Variants in SH3RF3 observed in about 807,000 individuals in gnomAD.
SH3RF3 encodes the protein SH3 domain containing ring finger 3.
SH3RF3 carries 29 observed loss-of-function variants against 66.3 expected under a neutral mutation model. The observed-to-expected ratio is 0.44, with a 90% confidence interval of 0.33 to 0.60. The LOEUF (loss-of-function observed/expected upper bound fraction) is 0.60, where lower values mean the gene tolerates loss of function less well. Among genes scored for constraint, SH3RF3 ranks in the 20% least tolerant of loss-of-function variants. SH3RF3 has a pLI of 0.04. For synonymous variants in SH3RF3, 583 were observed against 532.0 expected (o/e 1.10, Z -1.32); for missense variants, 1,194 against 1,190.9 (o/e 1.00, Z -0.04).
At chr2:109,184,293 C>G (rs1274084912) in intron 1 of SH3RF3, among the ~76,000 whole-genome samples, 1 of 152,204 alleles carries the variant, frequency 6.6e-6, no homozygotes, top group African/African-American at 2.4e-5. Flanking sequence ...TTCTCCCTTA[C>G]TTCAAATGAC....
At chr2:109,247,637 A>G (rs1201116563) in intron 1 of SH3RF3, among the ~76,000 whole-genome samples, 1 of 152,220 alleles carries the variant, frequency 6.6e-6, no homozygotes, top group Non-Finnish European at 1.5e-5. Flanking sequence ...CTCACAGTTG[A>G]CGGACTGGCT....
At chr2:109,299,463 C>T (rs1392097846) in intron 1 of SH3RF3, among the ~76,000 whole-genome samples, 1 of 152,026 alleles carries the variant, frequency 6.6e-6, no homozygotes, top group African/African-American at 2.4e-5. Flanking sequence ...CTGCCAGCCA[C>T]CAGGGCCTTT....
At chr2:109,197,558 G>A (rs1279612730) in intron 1 of SH3RF3, among the ~76,000 whole-genome samples, 3 of 152,348 alleles carry the variant, frequency 2.0e-5, no homozygotes, top group Middle Eastern at 3.4e-3. Context: ...GCAGGTGGCC[G>A]GGGAGGGGTG....
At chr2:109,455,259 G>C (rs1678008408) in intron 8 of SH3RF3, among the ~76,000 whole-genome samples, 1 of 152,106 alleles carries the variant, frequency 6.6e-6, no homozygotes, top group African/African-American at 2.4e-5. Flanking sequence ...GGCTGGCCTT[G>C]GGGGGAGAAA....
chr2:109,244,621 C>T (rs1679868655), intron 1 of SH3RF3, among the ~76,000 whole-genome samples: 1 of 152,154 alleles, frequency 6.6e-6, no homozygotes, highest in Non-Finnish European at 1.5e-5. Context: ...CCCAAGAATG[C>T]CAGTTAGCAG....
chr2:109,192,669 G>A (rs1049419645), intron 1 of SH3RF3, among the ~76,000 whole-genome samples: 1 of 152,154 alleles, frequency 6.6e-6, no homozygotes, highest in African/African-American at 2.4e-5. Flanking sequence ...AACTGCAGAG[G>A]AAGACTCTTA....
intron 1 of SH3RF3, among the ~76,000 whole-genome samples, chr2:109,315,094 T>TG (rs761690596): frequency 3.3e-5 from 5 of 152,238 alleles, no homozygotes; most frequent in Non-Finnish European, 5.9e-5. Flanking sequence ...AAAGTTCCAC[T>TG]GGACAGCACT....
At chr2:109,476,232 C>G (rs761430657) in intron 8 of SH3RF3, among the ~76,000 whole-genome samples, 7 of 152,214 alleles carry the variant, frequency 4.6e-5, no homozygotes, top group Non-Finnish European at 7.4e-5. Flanking sequence ...ACCAGGCCTG[C>G]TAGCACCCAC....
At chr2:109,424,643 T>G (rs538737113) in intron 5 of SH3RF3, among the ~76,000 whole-genome samples, 52 of 152,300 alleles carry the variant, frequency 3.4e-4, no homozygotes, top group South Asian at 4.1e-4. Context: ...TGATCAGTGA[T>G]TTTTGGCGTT....
chr2:109,165,568 C>T (rs1055757684), intron 1 of SH3RF3, among the ~76,000 whole-genome samples: 2 of 152,180 alleles, frequency 1.3e-5, no homozygotes, highest in Non-Finnish European at 2.9e-5. Flanking sequence ...GACTGTGTGG[C>T]CAGCAAAACC....
intron 1 of SH3RF3, among the ~76,000 whole-genome samples, chr2:109,199,637 T>TCAACCC (rs1678610285): frequency 0.04 from 2 of 50 alleles, no homozygotes; most frequent in African/African-American, 0.1. Flanking sequence ...TGGAATGGAA[T>TCAACCC]GGAATGGAAT....
chr2:109,196,544 C>T (rs1049392187), intron 1 of SH3RF3, among the ~76,000 whole-genome samples: 2 of 152,266 alleles, frequency 1.3e-5, no homozygotes, highest in South Asian at 2.1e-4. Context: ...CTGAGAGGTC[C>T]GTGGGTTTGT....
chr2:109,134,111 G>T (rs996287166), intron 1 of SH3RF3, among the ~76,000 whole-genome samples: 3 of 152,214 alleles, frequency 2.0e-5, no homozygotes, highest in Non-Finnish European at 4.4e-5. Context: ...TGCATGCTGG[G>T]CACTTTGACA....
At chr2:109,414,646 C>T (rs1488067408) in intron 4 of SH3RF3, among the ~76,000 whole-genome samples, 2 of 152,182 alleles carry the variant, frequency 1.3e-5, no homozygotes, top group African/African-American at 2.4e-5. Flanking sequence ...GCTGCCCAGG[C>T]CAGTCCCTTC....
intron 3 of SH3RF3, among the ~76,000 whole-genome samples, chr2:109,397,935 G>T (rs1421560719): frequency 1.3e-5 from 2 of 152,214 alleles, no homozygotes; most frequent in Non-Finnish European, 2.9e-5. Context: ...ATGTGGGAAG[G>T]AGTCGTGTCC....
intron 9 of SH3RF3, among the ~76,000 whole-genome samples, chr2:109,497,280 CAG>C (rs1419085778): frequency 4.6e-5 from 7 of 152,304 alleles, no homozygotes; most frequent in South Asian, 2.1e-4. Flanking sequence ...TCCATGGACT[CAG>C]GGGCTCATTC....
rs532804145 is a variant in SH3RF3, at chr2:109,456,729, G to A, written c.2148+7240G>A. Among the ~76,000 whole-genome samples the A allele has an allele frequency of 3.3e-5, 5 of 152,330 alleles. No homozygotes were observed. The South Asian group carries it at 1.0e-3, about 32-fold the overall frequency. ...GGTGACCCTTTCAGGGTACAAATGT[G>A]GACATGAAGTCCAGAGAGGCAAGGT... On this transcript the variant is annotated intron_variant, in intron 8 of 9. Transcript: ENST00000309415.
chr2:109,131,733 A>G (rs970252929), intron 1 of SH3RF3, among the ~76,000 whole-genome samples: 3 of 152,196 alleles, frequency 2.0e-5, no homozygotes, highest in African/African-American at 7.2e-5. Flanking sequence ...TAGTAGTGAC[A>G]TTTAGTATTA....
Position 109,425,814 on chromosome 2 carries a change from C to T in SH3RF3, c.1403+6172C>T, listed in dbSNP as rs191965067. ...GTTGTTTTCATGCCTGCTGACACAG[C>T]ATCCATTCTTCAGCTCATGGATCGA... On this transcript the variant is annotated intron_variant, in intron 5 of 9. Coordinates refer to ENST00000309415, the MANE Select transcript of SH3RF3 (RefSeq NM_001099289.3). 4.6e-5 allele frequency among the ~76,000 whole-genome samples: 7 copies of T among 152,368 alleles called. No homozygotes were observed. In the East Asian group the frequency reaches 1.3e-3, roughly 29 times the overall value.
Sources: gnomAD v4.1 joint callset for allele counts (sites outside exome capture counted in the v4.1 genomes callset) on GRCh38, gnomAD v4.1.1 for gene constraint, MANE v1.5 for transcripts, NCBI Gene and HGNC (gene_info 2026-07-23, HGNC 2026-07-21) for gene names.